TMEM40: variants seen among roughly 807,000 people sequenced by gnomAD.
The protein encoded by TMEM40 is transmembrane protein 40.
Under a neutral mutation model 40.8 loss-of-function variants are expected in TMEM40, and 34 were observed. The ratio of observed to expected loss-of-function variants is 0.83; its 90% CI spans 0.63 to 1.11. The LOEUF (loss-of-function observed/expected upper bound fraction) is 1.11. Ranked by LOEUF, TMEM40 falls within the 50% of genes least tolerant of loss-of-function variation. TMEM40 has a pLI of 0.00. For missense variants in TMEM40, 296 were observed against 280.2 expected (o/e 1.06, Z -0.40); for synonymous variants, 106 against 107.0 (o/e 0.99, Z 0.06).
At chr3:12,755,146 C>A (rs2061510117) in intron 1 of TMEM40, among the ~76,000 whole-genome samples, 1 of 143,240 alleles carries the variant, frequency 7.0e-6, no homozygotes. Flanking sequence ...CTTTCCTTCT[C>A]TTTCTTTCTT....
upstream of TMEM40, chr3:12,759,433 G>A (rs1463916930): frequency 6.6e-6 from 1 of 152,536 alleles, no homozygotes; most frequent in Non-Finnish European, 1.5e-5. Context: ...AGGGGCAGGT[G>A]GGGCAGCTAC....
At chr3:12,737,066 G>A (rs1037051845) in intron 8 of TMEM40, among the ~76,000 whole-genome samples, 4 of 152,064 alleles carry the variant, frequency 2.6e-5, no homozygotes, top group Non-Finnish European at 5.9e-5. Flanking sequence ...TTTTAGTAGA[G>A]ATAAGGTCTC....
intron 2 of TMEM40, among the ~76,000 whole-genome samples, chr3:12,749,513 C>T (rs1249062669): frequency 6.6e-6 from 1 of 152,220 alleles, no homozygotes; most frequent in East Asian, 1.9e-4. Flanking sequence ...AGTGCCAGCC[C>T]AAGCCCCCAG....
chr3:12,737,655 T>C, intron 8 of TMEM40, 52 bp downstream of exon 8: 1 of 1,582,108 alleles, frequency 6.3e-7, no homozygotes, highest in Non-Finnish European at 8.7e-7. Context: ...ATTTCACCCC[T>C]AGAAATCTAG....
At chr3:12,741,596 G>A (rs1046309575) in intron 5 of TMEM40, among the ~76,000 whole-genome samples, 1 of 152,312 alleles carries the variant, frequency 6.6e-6, no homozygotes, top group African/African-American at 2.4e-5. Flanking sequence ...TCATGAATAA[G>A]TGAATGTATC....
chr3:12,768,751 G>A (rs890145178), intron 1 of TMEM40, among the ~76,000 whole-genome samples: 15 of 152,156 alleles, frequency 9.9e-5, no homozygotes, highest in African/African-American at 3.6e-4. Context: ...CCGCACCGGG[G>A]GCCGCAGGTG....
chr3:12,757,396 G>T (rs2061537171), intron 1 of TMEM40, among the ~76,000 whole-genome samples: 1 of 151,516 alleles, frequency 6.6e-6, no homozygotes, highest in Admixed American at 6.6e-5. Flanking sequence ...TTGAACCCAG[G>T]AGGCAGAGGT....
chr3:12,752,431 AT>A (rs1426645406), intron 1 of TMEM40, among the ~76,000 whole-genome samples: 1 of 152,178 alleles, frequency 6.6e-6, no homozygotes, highest in Admixed American at 6.6e-5. Context: ...TAACTAATCT[AT>A]TCCTATGAAG....
At chr3:12,767,398 C>T (rs2061598921) in intron 1 of TMEM40, among the ~76,000 whole-genome samples, 1 of 152,044 alleles carries the variant, frequency 6.6e-6, no homozygotes, top group Admixed American at 6.6e-5. Flanking sequence ...GTCCTCTTTC[C>T]CAGGCGACTG....
chr3:12,769,212 G>A (rs1172494600), intron 1 of TMEM40: 5 of 378,168 alleles, frequency 1.3e-5, no homozygotes, highest in Admixed American at 2.7e-5. Context: ...CAAGTGCTGC[G>A]TGCAGCCCCG....
intron 1 of TMEM40, among the ~76,000 whole-genome samples, chr3:12,766,879 C>G (rs141345140): frequency 6.6e-6 from 1 of 152,284 alleles, no homozygotes; most frequent in East Asian, 1.9e-4. Context: ...TCCTGACCCT[C>G]GGCCTAGTGA....
At chr3:12,740,546 C>CAAAAAAA (rs780832284) in intron 5 of TMEM40, among the ~76,000 whole-genome samples, 1 of 47,510 alleles carries the variant, frequency 2.1e-5, no homozygotes, top group African/African-American at 5.5e-5. Flanking sequence ...CTAAAAATAC[C>CAAAAAAA]AAAAAAAAAA....
At chr3:12,740,749 T>C (rs1370707770) in intron 5 of TMEM40, among the ~76,000 whole-genome samples, 2 of 151,982 alleles carry the variant, frequency 1.3e-5, no homozygotes, top group African/African-American at 4.8e-5. Context: ...TCCCAGCTTC[T>C]CAGGAGGCTA....
rs2061449209 is a variant in TMEM40 at position 12,748,744 on chromosome 3, G to A, written c.122C>T (p.Ser41Phe). ...HKQDGKAGLF[S>F]QEQYERNKSS... ...CTTGTTTCTCTCATATTGTTCTTGG[G>A]AAAAGAGTCCAGCCTTCCCATCTTG... Residue 41 changes from serine (S) to phenylalanine (F), a missense_variant, in exon 3 of 12, where the codon TCC becomes TTC. Physicochemically the swap from Ser to Phe is radical, Grantham distance 155. Transcript: ENST00000314124. The A allele has an allele frequency of 1.2e-6, 2 of 1,614,022 alleles. No homozygotes were observed. Among genetic ancestry groups the A allele is most frequent in the East Asian group, 2.2e-5 (1 of 44,896 alleles).
chr3:12,742,019 C>T (rs1374293034), intron 5 of TMEM40, among the ~76,000 whole-genome samples: 1 of 152,172 alleles, frequency 6.6e-6, no homozygotes, highest in Non-Finnish European at 1.5e-5. Flanking sequence ...ATCAGGAGGT[C>T]AGGAGACCGA....
At chr3:12,761,953 T>C (rs2061570732), upstream of TMEM40, among the ~76,000 whole-genome samples, 1 of 152,190 alleles carries the variant, frequency 6.6e-6, no homozygotes. Context: ...TCTATTAAAA[T>C]GATATTTGGA....
At chr3:12,758,376 A>G (rs758761646) in intron 1 of TMEM40, among the ~76,000 whole-genome samples, 2 of 152,216 alleles carry the variant, frequency 1.3e-5, no homozygotes, top group South Asian at 4.1e-4. Context: ...AATAATAAGC[A>G]CAAGACCATA....
intron 1 of TMEM40, among the ~76,000 whole-genome samples, chr3:12,768,784 A>C (rs900270784): frequency 3.3e-5 from 5 of 152,060 alleles, no homozygotes; most frequent in Admixed American, 3.3e-4. Flanking sequence ...AGTCCCGCGC[A>C]GTGCTCCCAC....
chr3:12,755,229 C>CACTT (rs2061514645), intron 1 of TMEM40, among the ~76,000 whole-genome samples: 1 of 65,504 alleles, frequency 1.5e-5, no homozygotes, highest in African/African-American at 6.5e-5. Context: ...CTCTCTCTCT[C>CACTT]TCTCTCTTTC....
Sources: gnomAD v4.1 joint callset for allele counts (sites outside exome capture counted in the v4.1 genomes callset) on GRCh38, gnomAD v4.1.1 for gene constraint, MANE v1.5 for transcripts, NCBI Gene and HGNC (gene_info 2026-07-23, HGNC 2026-07-21) for gene names.